WDR27: variants seen among roughly 807,000 people sequenced by gnomAD.
WDR27 encodes WD repeat-containing protein 27.
WDR27 carries 100 observed loss-of-function variants against 114.4 expected under a neutral mutation model. The ratio of observed to expected loss-of-function variants is 0.87; its 90% CI spans 0.74 to 1.03. The LOEUF (loss-of-function observed/expected upper bound fraction) is 1.03, where lower values mean the gene tolerates loss of function less well. Ranked by LOEUF, WDR27 falls within the 50% of genes least tolerant of loss-of-function variation. The pLI, the probability that WDR27 is intolerant of heterozygous loss-of-function variation, is 0.00. For missense variants in WDR27, 1,129 were observed against 1,092.9 expected, an observed-to-expected ratio of 1.03 and a Z score of -0.47; for synonymous variants, 449 against 423.1, an observed-to-expected ratio of 1.06 and a Z score of -0.75.
intron 3 of WDR27, 43 bp from the exon 4 acceptor site, chr6:169,670,736 T>A (rs1778506054): frequency 6.2e-7 from 1 of 1,610,078 alleles, no homozygotes; most frequent in Non-Finnish European, 8.5e-7. Flanking sequence ...CCAAATGCAT[T>A]CAGCATTACA....
At chr6:169,463,340 T>A (rs1158086985) in intron 25 of WDR27, among the ~76,000 whole-genome samples, 2 of 152,206 alleles carry the variant, frequency 1.3e-5, no homozygotes, top group African/African-American at 4.8e-5. Context: ...CACCTCTTAA[T>A]ACTGTCAAAA....
chr6:169,623,535 G>A lies in WDR27; in HGVS notation c.2223+9412C>T, dbSNP rs182475758. Among the ~76,000 whole-genome samples, 29 of 152,214 alleles carry A rather than the reference G, an allele frequency of 1.9e-4. No individual in the cohort carries two copies. In the East Asian group the frequency reaches 4.6e-3, roughly 24 times the overall value. Reference sequence around the variant, plus strand: ...TCAGCCAGTGACGGCACCACTCACCGGGCCCGCAGGCTTCACACAGAAGTC... The same window carrying A: ...TCAGCCAGTGACGGCACCACTCACCAGGCCCGCAGGCTTCACACAGAAGTC... On this transcript the variant is annotated intron_variant, in intron 21 of 25. Transcript: ENST00000448612.
At chr6:169,646,879 T>C (rs1279707412) in intron 16 of WDR27, among the ~76,000 whole-genome samples, 1 of 152,164 alleles carries the variant, frequency 6.6e-6, no homozygotes, top group Non-Finnish European at 1.5e-5. Flanking sequence ...ATACTACACA[T>C]CTAATTTCCG....
At chr6:169,621,993 T>A (rs1813474272) in intron 21 of WDR27, among the ~76,000 whole-genome samples, 1 of 152,204 alleles carries the variant, frequency 6.6e-6, no homozygotes, top group Admixed American at 6.5e-5. Context: ...TAGGAACTGC[T>A]TAGGGCCAAC....
intron 25 of WDR27, among the ~76,000 whole-genome samples, chr6:169,460,341 A>G (rs1784762263): frequency 6.6e-6 from 1 of 152,196 alleles, no homozygotes; most frequent in Admixed American, 6.5e-5. Context: ...TTTTTGTGTT[A>G]CTGAAATTCA....
intron 20 of WDR27, among the ~76,000 whole-genome samples, chr6:169,633,322 A>G (rs1319763283): frequency 6.6e-6 from 1 of 152,160 alleles, no homozygotes; most frequent in East Asian, 1.9e-4. Context: ...CCACCACAGT[A>G]GCTATTTTGA....
At chr6:169,664,514 G>C (rs1827226867) in intron 7 of WDR27, 18 of 1,393,210 alleles carry the variant, frequency 1.3e-5, no homozygotes, top group Non-Finnish European at 1.6e-5. Flanking sequence ...ATCAGCTCAG[G>C]GCACATGGGC....
Position 169,659,434 on chromosome 6 carries a change from C to T in WDR27, c.1197+17G>A, listed in dbSNP as rs201494041. On this transcript the variant is annotated intron_variant, in intron 11 of 25. Transcript: ENST00000448612. This position sits in a 1 kb window ranked among gnomAD's most constrained non-coding sequence, Gnocchi z 4.3. ...GGCACGTCTCATAGACAGGGAGGGC[C>T]GCGTCTCAGGACTGACCTTTTGATC... 11 of 1,603,986 alleles carry T rather than the reference C, an allele frequency of 6.9e-6. No individual in the cohort carries two copies. The highest frequency in any genetic ancestry group is 4.0e-5 in the African/African-American group (3 of 74,764).
intron 1 of WDR27, among the ~76,000 whole-genome samples, chr6:169,698,091 AG>A (rs1483108207): frequency 2.0e-5 from 3 of 152,180 alleles, no homozygotes; most frequent in African/African-American, 7.2e-5. Flanking sequence ...CAAGGAGGGA[AG>A]GAAGCCTTGT....
At position 169,701,616 on chromosome 6, in the gene WDR27, C is replaced by T. The variant is rs1788087208; in HGVS notation, c.-73G>A. On this transcript the variant is annotated 5_prime_UTR_variant, in exon 1 of 26. Transcript: ENST00000448612. ...CAAAGCGCCGATCTCAAGCGGCCGC[C>T]CGGATGCTCCGGCCCGACTTGTGCC... 1 of 164,936 alleles carries T rather than the reference C, an allele frequency of 6.1e-6. No homozygotes were observed. The highest frequency in any genetic ancestry group is 2.4e-5 in the African/African-American group (1 of 41,502). 10.2% of individuals were successfully genotyped at this position (164,936 alleles called of 1,614,324 possible).
intron 25 of WDR27, among the ~76,000 whole-genome samples, chr6:169,541,353 C>A (rs918251547): frequency 6.6e-6 from 1 of 152,194 alleles, no homozygotes; most frequent in Non-Finnish European, 1.5e-5. Flanking sequence ...CCACAACGAT[C>A]TACTCTGAGC....
chr6:169,577,363 CG>C (rs1802557712), intron 24 of WDR27, among the ~76,000 whole-genome samples: 1 of 152,204 alleles, frequency 6.6e-6, no homozygotes, highest in Admixed American at 6.5e-5. Context: ...CACCACGGTC[CG>C]GGCATCTGCG....
intron 25 of WDR27, among the ~76,000 whole-genome samples, chr6:169,536,418 T>C (rs1440068206): frequency 6.6e-6 from 1 of 152,244 alleles, no homozygotes; most frequent in East Asian, 1.9e-4. Flanking sequence ...ATTATTTTTA[T>C]GAACCTCAAT....
At chr6:169,479,187 T>G (rs981369091) in intron 25 of WDR27, among the ~76,000 whole-genome samples, 7 of 152,014 alleles carry the variant, frequency 4.6e-5, no homozygotes, top group African/African-American at 1.7e-4. Context: ...ATAGGAAACT[T>G]CAAGAAGCAA....
the WDR27 span, among the ~76,000 whole-genome samples, chr6:169,432,674 C>A: frequency 6.6e-6 from 1 of 152,148 alleles, no homozygotes; most frequent in African/African-American, 2.4e-5. Context: ...TCAATTAAAC[C>A]TCTTTTTCTT....
At chr6:169,559,781 T>A (rs1473299778) in intron 25 of WDR27, 1 of 152,214 alleles carries the variant, frequency 6.6e-6, no homozygotes. Flanking sequence ...TCTGCCCTTA[T>A]ACAGCTCTGT....
chr6:169,671,118 G>GA (rs1156546809), intron 3 of WDR27: 1 of 156,948 alleles, frequency 6.4e-6, no homozygotes, highest in Non-Finnish European at 1.4e-5. Flanking sequence ...AGCAATGACA[G>GA]GACACCCACA....
intron 24 of WDR27, among the ~76,000 whole-genome samples, chr6:169,575,574 G>A (rs1802202440): frequency 1.3e-5 from 2 of 152,152 alleles, no homozygotes; most frequent in South Asian, 2.1e-4. Flanking sequence ...TCTGGTGGGA[G>A]GGGCTGCCCT....
intron 23 of WDR27, among the ~76,000 whole-genome samples, chr6:169,585,644 C>T (rs1804396651): frequency 6.6e-6 from 1 of 152,038 alleles, no homozygotes; most frequent in Non-Finnish European, 1.5e-5. Context: ...TCTTACAATA[C>T]AGTAAGCTAA....
Sources: allele counts gnomAD v4.1 joint callset (sites outside exome capture counted in the v4.1 genomes callset), GRCh38; gene constraint gnomAD v4.1.1; non-coding constraint Gnocchi (gnomAD v3.1); transcripts MANE v1.5; gene names NCBI Gene and HGNC (gene_info 2026-07-23, HGNC 2026-07-21).